Variants in BACE2 observed in about 807,000 individuals in gnomAD.
BACE2 encodes beta-secretase 2.
In BACE2, 17 loss-of-function variants were observed where a neutral mutation model predicts 46.2. That is an observed-to-expected ratio of 0.37 (90% CI 0.25 to 0.55). BACE2 has a LOEUF of 0.55. BACE2 is among the 20% of genes least tolerant of loss of function. The probability of loss-of-function intolerance (pLI) is 0.82; values close to 1 mark genes in which losing one functional copy is unlikely to be tolerated. For synonymous variants in BACE2, 277 were observed against 295.9 expected (o/e 0.94, Z 0.66); for missense variants, 595 against 698.1 (o/e 0.85, Z 1.66).
chr21:41,185,775 G>A (rs1985351568), intron 1 of BACE2, among the ~76,000 whole-genome samples: 1 of 152,148 alleles, frequency 6.6e-6, no homozygotes, highest in Admixed American at 6.5e-5. Flanking sequence ...CAAAAACCCT[G>A]GGGTACCCAG....
At chr21:41,169,601 A>G (rs1029521689) in intron 1 of BACE2, among the ~76,000 whole-genome samples, 2 of 152,168 alleles carry the variant, frequency 1.3e-5, no homozygotes, top group Non-Finnish European at 2.9e-5. Context: ...GTTTTGATTC[A>G]GCTATGATTC....
chr21:41,199,168 C>T (rs1290749513), intron 1 of BACE2, among the ~76,000 whole-genome samples: 5 of 151,650 alleles, frequency 3.3e-5, no homozygotes, highest in Admixed American at 1.3e-4. Context: ...GATGGTTCAC[C>T]GCCTTCTTTT....
intron 8 of BACE2, among the ~76,000 whole-genome samples, chr21:41,270,645 T>C (rs1004789597): frequency 6.6e-6 from 1 of 152,256 alleles, no homozygotes; most frequent in Non-Finnish European, 1.5e-5. Flanking sequence ...TCTGTTATTC[T>C]AATATAACCT....
At chr21:41,207,646 G>A (rs184835448) in intron 1 of BACE2, among the ~76,000 whole-genome samples, 2 of 151,182 alleles carry the variant, frequency 1.3e-5, no homozygotes, top group Admixed American at 6.5e-5. Context: ...TCTCCCTCCT[G>A]GTGCAGGAGG....
At chr21:41,222,004 C>T (rs948625883) in intron 1 of BACE2, among the ~76,000 whole-genome samples, 14 of 152,204 alleles carry the variant, frequency 9.2e-5, no homozygotes, top group Middle Eastern at 3.4e-3. Context: ...TGATTGCGCA[C>T]GGGGCCCAGG....
intron 2 of BACE2, among the ~76,000 whole-genome samples, chr21:41,227,793 G>A (rs912512488): frequency 3.3e-5 from 5 of 152,170 alleles, no homozygotes; most frequent in Non-Finnish European, 7.4e-5. Context: ...AACCACAAAC[G>A]TGTGTAGAAG....
chr21:41,231,637 C>T (rs1240509273), intron 2 of BACE2, among the ~76,000 whole-genome samples: 1 of 152,204 alleles, frequency 6.6e-6, no homozygotes, highest in Non-Finnish European at 1.5e-5. Flanking sequence ...ATTCCCTGAG[C>T]ACTCTTATCA....
At chr21:41,246,322 T>G in intron 6 of BACE2, 1 of 212,322 alleles carries the variant, frequency 4.7e-6, no homozygotes, top group Non-Finnish European at 9.3e-6. Flanking sequence ...TCTTTGATGT[T>G]AGCAAATAGT....
At chr21:41,251,051 A>G in intron 7 of BACE2, 150 bp downstream of exon 7, 1 of 869,640 alleles carries the variant, frequency 1.1e-6, no homozygotes, top group Non-Finnish European at 1.7e-6. Flanking sequence ...ACTGCTCCTG[A>G]GTCCAGGCAG....
chr21:41,172,578 G>A (rs985101084), intron 1 of BACE2, among the ~76,000 whole-genome samples: 6 of 152,230 alleles, frequency 3.9e-5, no homozygotes, highest in Non-Finnish European at 7.3e-5. Context: ...GTCTTTGCAC[G>A]TCACTGCCGT....
chr21:41,168,535 G>A lies in BACE2; in HGVS notation c.272G>A (p.Gly91Asp). 1 of 1,345,616 alleles carries A rather than the reference G, an allele frequency of 7.4e-7. No individual in the cohort carries two copies. Among genetic ancestry groups the A allele is most frequent in the South Asian group, 2.4e-5 (1 of 42,116 alleles). 83.4% of individuals were successfully genotyped at this position (1,345,616 alleles called of 1,614,324 possible). A position where few individuals can be genotyped will look rare whatever the true frequency, so the allele number is the denominator to read the frequency against. ...AACCTGCAGGGGGACTCTGGCCGCGGCTACTACCTGGAGATGCTGATCGGG... is the reference window on the plus strand; with the variant it reads ...AACCTGCAGGGGGACTCTGGCCGCGACTACTACCTGGAGATGCTGATCGGG... ...VDNLQGDSGRGYYLEMLIGTP... is the reference protein window; with the variant it reads ...VDNLQGDSGRDYYLEMLIGTP... The change falls in exon 1 of 9, where the codon GGC (glycine) becomes GAC (aspartate). Residue 91 changes from glycine to aspartate, a missense_variant. By Grantham distance (94) the Gly-to-Asp change is moderately conservative. This residue lies in a region of BACE2 where 248 missense variants were observed against 261.4 expected (regional missense o/e 0.95). Coordinates refer to ENST00000330333, the MANE Select transcript of BACE2 (RefSeq NM_012105.5).
chr21:41,179,124 G>A (rs1332209440), intron 1 of BACE2: 4 of 1,224,742 alleles, frequency 3.3e-6, no homozygotes, highest in Admixed American at 2.7e-5. Flanking sequence ...AGGGTGAGGA[G>A]TGAGGGTGTC....
intron 2 of BACE2, among the ~76,000 whole-genome samples, chr21:41,234,492 G>A (rs767994907): frequency 6.6e-6 from 1 of 152,144 alleles, no homozygotes; most frequent in East Asian, 1.9e-4. Flanking sequence ...TCCACATTAC[G>A]TTTGAGAGCT....
At chr21:41,201,520 A>G (rs760929402) in intron 1 of BACE2, among the ~76,000 whole-genome samples, 4 of 152,262 alleles carry the variant, frequency 2.6e-5, no homozygotes, top group Admixed American at 6.5e-5. Flanking sequence ...TGAGGCTTTC[A>G]GCTGTGACTC....
chr21:41,170,077 C>T (rs928555410), intron 1 of BACE2, among the ~76,000 whole-genome samples: 2 of 152,002 alleles, frequency 1.3e-5, no homozygotes, highest in African/African-American at 2.4e-5. Flanking sequence ...TGCTTTGATG[C>T]GAGGGAATTC....
At chr21:41,251,922 A>G (rs977213885) in intron 7 of BACE2, among the ~76,000 whole-genome samples, 1 of 152,104 alleles carries the variant, frequency 6.6e-6, no homozygotes. Flanking sequence ...TCTTTATCCT[A>G]CACGTCTAAT....
Position 41,168,568 on chromosome 21 carries a change from C to G in BACE2, c.305C>G (p.Pro102Arg), listed in dbSNP as rs1387857968. 7.5e-7 allele frequency: 1 copy of G among 1,324,636 alleles called. No homozygotes were observed. The allele number at this position is 1,324,636 out of a possible 1,614,324, so 82.1% of individuals were successfully genotyped here. A position where few individuals can be genotyped will look rare whatever the true frequency, so the allele number is the denominator to read the frequency against. ...CTGGAGATGCTGATCGGGACCCCCCCGCAGAAGGTAGGGACCCCCGGCTGC... is the reference window on the plus strand; with the variant it reads ...CTGGAGATGCTGATCGGGACCCCCCGGCAGAAGGTAGGGACCCCCGGCTGC... Reference protein sequence around the residue: ...YYLEMLIGTPPQKLQILVDTG... With the variant: ...YYLEMLIGTPRQKLQILVDTG... Residue 102 changes from proline to arginine, a missense_variant, in exon 1 of 9, where the codon CCG becomes CGG. Physicochemically the swap from Pro to Arg is moderately radical, Grantham distance 103. Transcript: ENST00000330333.
intron 1 of BACE2, among the ~76,000 whole-genome samples, chr21:41,188,421 G>A (rs1453484652): frequency 6.6e-6 from 1 of 152,164 alleles, no homozygotes; most frequent in Non-Finnish European, 1.5e-5. Context: ...CCACCCCAGA[G>A]TCCAAGGAAG....
At chr21:41,248,055 G>C (rs1243226800) in intron 6 of BACE2, among the ~76,000 whole-genome samples, 1 of 152,108 alleles carries the variant, frequency 6.6e-6, no homozygotes, top group Non-Finnish European at 1.5e-5. Flanking sequence ...GAAATTAAGG[G>C]TTTGGAGTTC....
Sources: allele counts gnomAD v4.1 joint callset (sites outside exome capture counted in the v4.1 genomes callset), GRCh38; gene constraint gnomAD v4.1.1; regional missense constraint gnomAD v4.1.1; transcripts MANE v1.5; gene names NCBI Gene and HGNC (gene_info 2026-07-23, HGNC 2026-07-21).